The following LYRM4 variants were observed in gnomAD, a reference collection of about 807,000 sequenced individuals.
LYRM4 encodes LYR motif-containing protein 4.
LYRM4 carries 9 observed loss-of-function variants against 11.7 expected under a neutral mutation model. The observed-to-expected ratio is 0.77, with a 90% CI of 0.46 to 1.34. LYRM4 has a LOEUF of 1.34. LYRM4 is among the 40% of genes most tolerant of loss of function. The pLI, the probability that LYRM4 is intolerant of heterozygous loss-of-function variation, is 0.00. For synonymous variants in LYRM4, 42 were observed against 40.4 expected (o/e 1.04, Z -0.15); for missense variants, 133 against 112.5 (o/e 1.18, Z -0.82).
At chr6:5,057,758 C>G in the LYRM4 span, among the ~76,000 whole-genome samples, 4 of 150,050 alleles carry the variant, frequency 2.7e-5, no homozygotes, top group Non-Finnish European at 5.9e-5. Flanking sequence ...CCTAGTGAAA[C>G]GCTCACTTTT....
chr6:5,245,089 TAAAAAAAAAAAA>T (rs71540855), intron 1 of LYRM4, among the ~76,000 whole-genome samples: 31 of 15,492 alleles, frequency 2.0e-3, no homozygotes, highest in South Asian at 6.7e-3. Flanking sequence ...AGGAAGACCT[TAAAAAAAAAAAA>T]AAAAAAAAAA....
chr6:5,081,489 A>G, the LYRM4 span, among the ~76,000 whole-genome samples: 2 of 152,070 alleles, frequency 1.3e-5, no homozygotes, highest in Admixed American at 6.5e-5. Flanking sequence ...CATTCCCTCC[A>G]ACCCTTCTGG....
chr6:5,091,903 T>C, the LYRM4 span, among the ~76,000 whole-genome samples: 1 of 152,244 alleles, frequency 6.6e-6, no homozygotes, highest in Non-Finnish European at 1.5e-5. Flanking sequence ...GTATAATTTC[T>C]CCGATTGTAG....
At chr6:5,094,313 C>A in the LYRM4 span, among the ~76,000 whole-genome samples, 1 of 152,038 alleles carries the variant, frequency 6.6e-6, no homozygotes, top group Admixed American at 6.6e-5. Flanking sequence ...AAGATCTCAT[C>A]TCTATAAAAA....
At chr6:5,063,388 C>T in the LYRM4 span, among the ~76,000 whole-genome samples, 1 of 151,862 alleles carries the variant, frequency 6.6e-6, no homozygotes, top group East Asian at 1.9e-4. Context: ...AGCCAACCGC[C>T]CATTTCCAGC....
chr6:5,192,864 A>G (rs1368356593), intron 2 of LYRM4, among the ~76,000 whole-genome samples: 1 of 152,166 alleles, frequency 6.6e-6, no homozygotes, highest in Non-Finnish European at 1.5e-5. Context: ...CATCTCTACT[A>G]AAAATACAAA....
At chr6:5,250,447 T>C (rs1468913456) in intron 1 of LYRM4, among the ~76,000 whole-genome samples, 1 of 152,226 alleles carries the variant, frequency 6.6e-6, no homozygotes, top group African/African-American at 2.4e-5. Context: ...AAATATTTTC[T>C]ACTCTAAGTT....
At chr6:5,260,505 C>G (rs1181025719) in intron 1 of LYRM4, 143 bp downstream of exon 1, 3 of 1,150,880 alleles carry the variant, frequency 2.6e-6, no homozygotes, top group Non-Finnish European at 3.6e-6. Flanking sequence ...GCACGCTTTT[C>G]GATGGCGGAG....
At chr6:5,252,318 A>C (rs1029160111) in intron 1 of LYRM4, among the ~76,000 whole-genome samples, 1 of 152,154 alleles carries the variant, frequency 6.6e-6, no homozygotes, top group African/African-American at 2.4e-5. Context: ...TCTGCCCTTG[A>C]CCAACTGTGA....
intron 2 of LYRM4, among the ~76,000 whole-genome samples, chr6:5,169,471 A>G (rs1759290063): frequency 6.6e-6 from 1 of 152,226 alleles, no homozygotes; most frequent in Non-Finnish European, 1.5e-5. Flanking sequence ...GTATAGTCAA[A>G]TAAGTGGAAC....
intron 2 of LYRM4, among the ~76,000 whole-genome samples, chr6:5,188,262 C>T (rs1182000835): frequency 6.6e-6 from 1 of 151,952 alleles, no homozygotes; most frequent in East Asian, 1.9e-4. Flanking sequence ...GCATGAGGTG[C>T]CAGCTACTTA....
chr6:5,119,971 T>G (rs1763347774), intron 2 of LYRM4, among the ~76,000 whole-genome samples: 1 of 151,154 alleles, frequency 6.6e-6, no homozygotes, highest in African/African-American at 2.4e-5. Flanking sequence ...CTCGGCTCAC[T>G]GCAACCTCTG....
At chr6:5,114,768 A>C (rs1485923715) in intron 2 of LYRM4, among the ~76,000 whole-genome samples, 3 of 152,242 alleles carry the variant, frequency 2.0e-5, no homozygotes, top group African/African-American at 7.2e-5. Flanking sequence ...TCGCAAAAAA[A>C]AAAATCTCAT....
At chr6:5,071,648 G>A in the LYRM4 span, among the ~76,000 whole-genome samples, 4 of 151,828 alleles carry the variant, frequency 2.6e-5, no homozygotes, top group Non-Finnish European at 4.4e-5. Context: ...GTGTGTGTGT[G>A]TATATATATG....
intron 2 of LYRM4, among the ~76,000 whole-genome samples, chr6:5,208,649 G>A (rs1761832074): frequency 6.6e-6 from 1 of 152,168 alleles, no homozygotes; most frequent in Non-Finnish European, 1.5e-5. Flanking sequence ...AAAACTAACA[G>A]GCAATCTCCA....
chr6:5,122,611 G>T (rs1409418379), intron 2 of LYRM4, among the ~76,000 whole-genome samples: 1 of 152,156 alleles, frequency 6.6e-6, no homozygotes, highest in Non-Finnish European at 1.5e-5. Flanking sequence ...CTTCCCCGTT[G>T]GGCTCCCTCC....
At chr6:5,109,602 C>A in intron 2 of LYRM4, 111 bp from the exon 3 acceptor site, 1 of 1,114,840 alleles carries the variant, frequency 9.0e-7, no homozygotes, top group South Asian at 1.3e-5. Flanking sequence ...CATCCCAGGG[C>A]TGCTCCCTTC....
At chr6:5,238,515 A>G (rs946878416) in intron 1 of LYRM4, among the ~76,000 whole-genome samples, 5 of 152,370 alleles carry the variant, frequency 3.3e-5, no homozygotes, top group Non-Finnish European at 7.3e-5. Flanking sequence ...CTAACAAATC[A>G]TAAGCATTTA....
At chr6:5,046,753 G>A in the LYRM4 span, among the ~76,000 whole-genome samples, 3 of 152,176 alleles carry the variant, frequency 2.0e-5, no homozygotes, top group South Asian at 2.1e-4. Flanking sequence ...CCTAGTCTGA[G>A]ATTTCACACC....
Sources: gnomAD v4.1 joint callset for allele counts (sites outside exome capture counted in the v4.1 genomes callset) on GRCh38, gnomAD v4.1.1 for gene constraint, MANE v1.5 for transcripts, NCBI Gene and HGNC (gene_info 2026-07-23, HGNC 2026-07-21) for gene names.